The following UBR2 variants were observed in gnomAD, a reference collection of about 807,000 sequenced individuals.
UBR2 encodes ubiquitin protein ligase E3 component n-recognin 2, also known as E3 ubiquitin-protein ligase UBR2.
A neutral mutation model predicts 247.9 loss-of-function variants in UBR2; 92 were observed. That is an observed-to-expected ratio of 0.37 (90% CI 0.31 to 0.44). UBR2 has a LOEUF of 0.44. Among genes scored for constraint, UBR2 ranks in the 20% least tolerant of loss-of-function variants. The pLI is 1.00. For synonymous variants in UBR2, 672 were observed against 693.5 expected, an observed-to-expected ratio of 0.97 and a Z score of 0.49; for missense variants, 1,613 against 2,112.6, an observed-to-expected ratio of 0.76 and a Z score of 4.64.
intron 38 of UBR2, among the ~76,000 whole-genome samples, chr6:42,675,818 A>G (rs999886034): frequency 8.5e-5 from 13 of 152,074 alleles, no homozygotes; most frequent in African/African-American, 3.1e-4. Context: ...AAAGTCGGGC[A>G]TGATGTTGCA....
intron 2 of UBR2, among the ~76,000 whole-genome samples, chr6:42,574,717 A>G (rs1194325530): frequency 7.1e-6 from 1 of 140,498 alleles, no homozygotes; most frequent in Non-Finnish European, 1.5e-5. Flanking sequence ...TTTTTCTGAG[A>G]TGGAGTCTTG....
rs781708217 is a variant in UBR2 at position 42,573,922 on chromosome 6, T to C, written c.267T>C (p.Leu89=). ...ATCCTGCATTTGGATTTCCAAAACT[T>C]GAGCAAGCAAACAAACCTTCTCATC... ...GEDPAFGFPK[L]EQANKPSHLC... Residue 89 remains leucine (L), a synonymous_variant, in exon 2 of 47, where the codon CTT becomes CTC. Coordinates refer to ENST00000372901, the MANE Select transcript of UBR2 (RefSeq NM_001363705.2). 3.4e-5 allele frequency: 55 copies of C among 1,613,752 alleles called. No homozygotes were observed. Among genetic ancestry groups the C allele is most frequent in the East Asian group, 1.3e-4 (6 of 44,834 alleles).
rs1354027360 is a variant in UBR2, at chr6:42,689,562, T to TA, written c.5025-7_5025-6insA. 3 of 1,613,422 alleles carry TA rather than the reference T, an allele frequency of 1.9e-6. No individual in the cohort carries two copies. Among genetic ancestry groups the TA allele is most frequent in the Non-Finnish European group, 2.5e-6 (3 of 1,179,490 alleles). ...AAATGTGTAACGTATGACTGATCTC[T>TA]CTACAGAGTACGGGAATGTCAGGTG... is the stretch of plus-strand genomic sequence containing the variant. On this transcript the variant is annotated splice_polypyrimidine_tract_variant and splice_region_variant and intron_variant, in intron 45 of 46. Transcript: ENST00000372901. The surrounding 1 kb of genome is among the most constrained non-coding windows in gnomAD (Gnocchi z 4.0).
At chr6:42,566,508 C>T (rs1461124911) in intron 1 of UBR2, among the ~76,000 whole-genome samples, 1 of 152,180 alleles carries the variant, frequency 6.6e-6, no homozygotes, top group Non-Finnish European at 1.5e-5. Flanking sequence ...CCTCAGCCTC[C>T]CGAATTACAG....
At chr6:42,631,027 G>A (rs544279640) in intron 11 of UBR2, among the ~76,000 whole-genome samples, 7 of 152,150 alleles carry the variant, frequency 4.6e-5, no homozygotes, top group Non-Finnish European at 7.4e-5. Context: ...GGCTGGTCTC[G>A]AACTGGGCTC....
rs200033994 is a variant in UBR2, at chr6:42,668,450, G to GT, written c.3882-1635dup. Among the ~76,000 whole-genome samples the GT allele has an allele frequency of 9.0e-3, 1,370 of 151,816 alleles. 14 individuals are homozygous for GT. Among genetic ancestry groups the GT allele is most frequent in the African/African-American group, 0.029 (1,181 of 41,424 alleles). Reference sequence around the variant, plus strand: ...AATTCTTGTTCCTTTGTAAATTTTTGTTTTTTTGAGACAGGTTCTCACTCT... The same window carrying GT: ...AATTCTTGTTCCTTTGTAAATTTTTGTTTTTTTTGAGACAGGTTCTCACTCT... On this transcript the variant is annotated intron_variant, in intron 34 of 46. Transcript: ENST00000372901.
At chr6:42,679,982 G>GTTTGT (rs530662573) in intron 42 of UBR2, 150 bp downstream of exon 42, 40 of 593,916 alleles carry the variant, frequency 6.7e-5, no homozygotes, top group African/African-American at 2.1e-4. Flanking sequence ...TTTTGTTGTT[G>GTTTGT]TTTGTTTTGT....
chr6:42,591,066 A>G (rs954149116), intron 2 of UBR2, among the ~76,000 whole-genome samples: 1 of 152,242 alleles, frequency 6.6e-6, no homozygotes, highest in Non-Finnish European at 1.5e-5. Flanking sequence ...AGCCTGGCCA[A>G]CATGGCAAAA....
chr6:42,595,447 A>C (rs1361154102), intron 4 of UBR2, among the ~76,000 whole-genome samples: 1 of 152,178 alleles, frequency 6.6e-6, no homozygotes. Flanking sequence ...GCAAGTGGAC[A>C]TCAATAGTCC....
At chr6:42,624,227 A>G (rs1795188447) in intron 11 of UBR2, among the ~76,000 whole-genome samples, 1 of 151,348 alleles carries the variant, frequency 6.6e-6, no homozygotes, top group South Asian at 2.1e-4. Context: ...TGCAGCCTCA[A>G]CCTCCTGTGT....
At chr6:42,686,590 G>T (rs1799413705) in intron 44 of UBR2, among the ~76,000 whole-genome samples, 1 of 152,236 alleles carries the variant, frequency 6.6e-6, no homozygotes, top group Non-Finnish European at 1.5e-5. Context: ...ATGAGCTGTT[G>T]GTTGCACCTC....
Position 42,659,550 on chromosome 6 carries a change from CACACACACACACT to C in UBR2, c.3243-93_3243-81del, listed in dbSNP as rs1335644082. The C allele has an allele frequency of 1.8e-4, 138 of 773,214 alleles. No individual in the cohort carries two copies. The African/African-American group carries it at 2.2e-3, about 13-fold the overall frequency. 47.9% of individuals were successfully genotyped at this position (773,214 alleles called of 1,614,324 possible). ...ACACACACACACACACACACACACA[CACACACACACACT>C]ACACACACACACACATACCTGTAGT... On this transcript the variant is annotated intron_variant, in intron 29 of 46. Coordinates refer to ENST00000372901, the MANE Select transcript of UBR2 (RefSeq NM_001363705.2). The surrounding 1 kb of genome is among the most constrained non-coding windows in gnomAD (Gnocchi z 4.3).
intron 38 of UBR2, among the ~76,000 whole-genome samples, chr6:42,674,549 T>A (rs1562390347): frequency 6.6e-6 from 1 of 152,022 alleles, no homozygotes; most frequent in Admixed American, 6.6e-5. Context: ...TCACTTGAGG[T>A]CAGGAGTTTG....
At chr6:42,658,156 C>CT (rs1388283780) in intron 27 of UBR2, 23 bp downstream of exon 27, 1 of 1,611,642 alleles carries the variant, frequency 6.2e-7, no homozygotes, top group East Asian at 2.2e-5. Context: ...CATTCCTCTG[C>CT]TTTTTGTGAG....
chr6:42,590,686 A>T (rs1792604403), intron 2 of UBR2, among the ~76,000 whole-genome samples: 1 of 152,260 alleles, frequency 6.6e-6, no homozygotes, highest in Admixed American at 6.5e-5. Flanking sequence ...CAGCCTTGGC[A>T]TATATCAAGT....
At chr6:42,582,596 T>C (rs1791983348) in intron 2 of UBR2, among the ~76,000 whole-genome samples, 1 of 152,220 alleles carries the variant, frequency 6.6e-6, no homozygotes, top group Non-Finnish European at 1.5e-5. Flanking sequence ...TGTTGTTTCA[T>C]ATCCTTACCA....
intron 1 of UBR2, among the ~76,000 whole-genome samples, chr6:42,573,370 A>G (rs1791291111): frequency 6.6e-6 from 1 of 152,198 alleles, no homozygotes; most frequent in Non-Finnish European, 1.5e-5. Flanking sequence ...TGATATCACA[A>G]TGAGAATAAC....
intron 44 of UBR2, 63 bp downstream of exon 44, chr6:42,684,934 T>C (rs1582733811): frequency 1.5e-6 from 2 of 1,328,324 alleles, no homozygotes; most frequent in East Asian, 2.3e-5. Flanking sequence ...ACAAAGAATT[T>C]GAAGGATTTT....
intron 2 of UBR2, among the ~76,000 whole-genome samples, chr6:42,585,087 A>T (rs770698533): frequency 7.9e-5 from 12 of 152,194 alleles, no homozygotes; most frequent in Non-Finnish European, 1.6e-4. Flanking sequence ...TAATTGTCTC[A>T]TACAACTTTT....
Sources: gnomAD v4.1 joint callset for allele counts (sites outside exome capture counted in the v4.1 genomes callset) on GRCh38, gnomAD v4.1.1 for gene constraint, Gnocchi (gnomAD v3.1) non-coding constraint, MANE v1.5 for transcripts, NCBI Gene and HGNC (gene_info 2026-07-23, HGNC 2026-07-21) for gene names.